The following STT3B variants were observed in gnomAD, a reference collection of about 807,000 sequenced individuals.
STT3B encodes dolichyl-diphosphooligosaccharide--protein glycosyltransferase subunit STT3B.
A neutral mutation model predicts 96.8 loss-of-function variants in STT3B; 29 were observed. That is an observed-to-expected ratio of 0.30 (90% CI 0.22 to 0.41). STT3B has a LOEUF of 0.41. STT3B is among the 10% of genes least tolerant of loss of function. The pLI, the probability that STT3B is intolerant of heterozygous loss-of-function variation, is 1.00. For synonymous variants in STT3B, 367 were observed against 360.0 expected (o/e 1.02, Z -0.22); for missense variants, 640 against 1,022.3 (o/e 0.63, Z 5.10).
chr3:31,534,137 A>T (rs1014591185), intron 1 of STT3B, among the ~76,000 whole-genome samples: 7 of 152,192 alleles, frequency 4.6e-5, no homozygotes, highest in African/African-American at 1.7e-4. Context: ...TGTTATGCAC[A>T]GTATCTGAAA....
chr3:31,624,764 CT>C lies in STT3B; in HGVS notation c.1728-140del, dbSNP rs3214835. Reference sequence around the variant, plus strand: ...ACCAGTCTAGCTCTTCATTGTTTCACTTTTTTTTTTCTCATTGGTAGAGGCT... The same window carrying C: ...ACCAGTCTAGCTCTTCATTGTTTCACTTTTTTTTTCTCATTGGTAGAGGCT... On this transcript the variant is annotated intron_variant, in intron 11 of 15. Transcript: ENST00000295770. 91,818 of 484,876 alleles carry C rather than the reference CT, an allele frequency of 0.19. 7,871 individuals are homozygous for C. The highest frequency in any genetic ancestry group is 0.29 in the East Asian group (8,634 of 29,996). The allele number at this position is 484,876 out of a possible 1,614,324, so 30.0% of individuals were successfully genotyped here. A position where few individuals can be genotyped will look rare whatever the true frequency, so the allele number is the denominator to read the frequency against.
intron 3 of STT3B, among the ~76,000 whole-genome samples, chr3:31,581,834 CTT>C (rs1298725653): frequency 1.3e-5 from 2 of 152,134 alleles, no homozygotes; most frequent in Non-Finnish European, 2.9e-5. Flanking sequence ...CAGGACTTCT[CTT>C]TTTTGGGAGA....
intron 13 of STT3B, among the ~76,000 whole-genome samples, chr3:31,628,295 T>C (rs528555647): frequency 7.4e-4 from 113 of 152,300 alleles, no homozygotes; most frequent in Admixed American, 2.6e-3. Flanking sequence ...TAGCAAGTTA[T>C]ATACCCTGTT....
intron 1 of STT3B, among the ~76,000 whole-genome samples, chr3:31,574,285 A>G (rs576578486): frequency 1.4e-4 from 21 of 152,072 alleles, no homozygotes; most frequent in Non-Finnish European, 2.6e-4. Context: ...GGGTAGAGCT[A>G]TTTTTAGTTT....
intron 5 of STT3B, among the ~76,000 whole-genome samples, chr3:31,603,548 A>G (rs1193748953): frequency 6.6e-6 from 1 of 152,088 alleles, no homozygotes; most frequent in Non-Finnish European, 1.5e-5. Flanking sequence ...TAAAAGGAAC[A>G]CCCAAACCTT....
chr3:31,629,743 C>G (rs1575449348), intron 14 of STT3B, among the ~76,000 whole-genome samples: 3 of 152,134 alleles, frequency 2.0e-5, no homozygotes, highest in African/African-American at 4.8e-5. Context: ...AGTGTGGTGT[C>G]TTAGGTCACT....
chr3:31,629,409 C>G lies in STT3B; in HGVS notation c.2185C>G (p.Gln729Glu). 6.5e-7 allele frequency: 1 copy of G among 1,530,050 alleles called. No homozygotes were observed. Among genetic ancestry groups the G allele is most frequent in the Non-Finnish European group, 9.0e-7 (1 of 1,112,190 alleles). The allele number at this position is 1,530,050 out of a possible 1,614,324, so 94.8% of individuals were successfully genotyped here. A position where few individuals can be genotyped will look rare whatever the true frequency, so the allele number is the denominator to read the frequency against. Residue 729 changes from glutamine to glutamate, a missense_variant and splice_region_variant, in exon 14 of 16, where the codon CAG (glutamine) becomes GAG (glutamate). This residue lies in a region of STT3B where 40 missense variants were observed against 122.2 expected (regional missense o/e 0.33). Coordinates refer to ENST00000295770, the MANE Select transcript of STT3B (RefSeq NM_178862.3). ...KMSYYRFGEM[Q>E]LDFRTPPGFD... ...GTCATACTACAGATTTGGAGAAATG[C>G]AGGTTAGTTAAATCCATTTTTCTCT... is the stretch of plus-strand genomic sequence containing the variant.
At chr3:31,602,034 G>A (rs990924629) in intron 5 of STT3B, among the ~76,000 whole-genome samples, 9 of 152,072 alleles carry the variant, frequency 5.9e-5, no homozygotes. Flanking sequence ...TGAGGCTGGA[G>A]TTCCACTTGA....
chr3:31,566,200 G>A (rs562411607), intron 1 of STT3B, among the ~76,000 whole-genome samples: 1 of 152,276 alleles, frequency 6.6e-6, no homozygotes, highest in South Asian at 2.1e-4. Flanking sequence ...TTTAAGGTTC[G>A]CAGTGCCCAG....
intron 1 of STT3B, among the ~76,000 whole-genome samples, chr3:31,545,017 C>A (rs1297403632): frequency 1.3e-5 from 2 of 152,020 alleles, no homozygotes; most frequent in Admixed American, 6.6e-5. Flanking sequence ...TAATTGCAAT[C>A]CCAAGATGAT....
intron 1 of STT3B, among the ~76,000 whole-genome samples, chr3:31,561,335 A>T (rs1480701162): frequency 6.6e-6 from 1 of 152,086 alleles, no homozygotes; most frequent in East Asian, 1.9e-4. Context: ...GATACGTGAG[A>T]TATTTTGATA....
chr3:31,617,384 T>G (rs1173031189), intron 7 of STT3B, among the ~76,000 whole-genome samples: 1 of 151,878 alleles, frequency 6.6e-6, no homozygotes, highest in Non-Finnish European at 1.5e-5. Context: ...TCCCCTACTT[T>G]TCAGCAGTTT....
intron 3 of STT3B, among the ~76,000 whole-genome samples, chr3:31,595,404 G>T (rs1260242164): frequency 6.6e-6 from 1 of 152,048 alleles, no homozygotes; most frequent in Non-Finnish European, 1.5e-5. Context: ...TGTTTTGGCA[G>T]GTGGTGTTGT....
rs541266163 is a variant in STT3B at position 31,625,151 on chromosome 3, G to A, written c.1899+66G>A. On this transcript the variant is annotated intron_variant, in intron 12 of 15. Transcript: ENST00000295770. ...ACTCCTTAGCAATCAGGCTTCACTT[G>A]TGACTAAATAGGAAAAATGTGGGTG... 1.2e-5 allele frequency: 17 copies of A among 1,416,628 alleles called. No individual in the cohort carries two copies. In the South Asian group the frequency reaches 2.4e-4, roughly 20 times the overall value. The allele number at this position is 1,416,628 out of a possible 1,614,324, so 87.8% of individuals were successfully genotyped here.
At chr3:31,538,932 T>C (rs1364038403) in intron 1 of STT3B, among the ~76,000 whole-genome samples, 1 of 152,112 alleles carries the variant, frequency 6.6e-6, no homozygotes, top group African/African-American at 2.4e-5. Flanking sequence ...TGGAATACTG[T>C]AGGGTTTTTT....
intron 3 of STT3B, among the ~76,000 whole-genome samples, chr3:31,582,709 C>G (rs1698437996): frequency 1.3e-5 from 2 of 151,846 alleles, no homozygotes; most frequent in Non-Finnish European, 2.9e-5. Flanking sequence ...TCCCTTAGTA[C>G]TACTTTGACG....
intron 5 of STT3B, among the ~76,000 whole-genome samples, chr3:31,601,423 A>G (rs1433168583): frequency 6.6e-6 from 1 of 152,228 alleles, no homozygotes; most frequent in Non-Finnish European, 1.5e-5. Context: ...AAAACTTTAT[A>G]CCATTATGTA....
At chr3:31,569,501 T>C (rs1373324674) in intron 1 of STT3B, among the ~76,000 whole-genome samples, 1 of 152,192 alleles carries the variant, frequency 6.6e-6, no homozygotes, top group Non-Finnish European at 1.5e-5. Context: ...GTGTTTTTGT[T>C]TTTGTTGTTA....
chr3:31,599,135 C>T (rs1021166401), intron 4 of STT3B, among the ~76,000 whole-genome samples: 2 of 152,104 alleles, frequency 1.3e-5, no homozygotes, highest in Admixed American at 6.5e-5. Flanking sequence ...AAACAGGTTT[C>T]TTAAGATTGG....
Sources: allele counts gnomAD v4.1 joint callset (sites outside exome capture counted in the v4.1 genomes callset), GRCh38; gene constraint gnomAD v4.1.1; regional missense constraint gnomAD v4.1.1; transcripts MANE v1.5; gene names NCBI Gene and HGNC (gene_info 2026-07-23, HGNC 2026-07-21).